The following PAPPA variants were observed in gnomAD, a reference collection of about 807,000 sequenced individuals.
The protein encoded by PAPPA is pappalysin 1.
PAPPA carries 60 observed loss-of-function variants against 164.0 expected under a neutral mutation model. The ratio of observed to expected loss-of-function variants is 0.37; its 90% CI spans 0.30 to 0.45. The LOEUF (loss-of-function observed/expected upper bound fraction) is 0.45. PAPPA is among the 20% of genes least tolerant of loss of function. The pLI, the probability that PAPPA is intolerant of heterozygous loss-of-function variation, is 1.00. For synonymous variants in PAPPA, 875 were observed against 814.1 expected (o/e 1.07, Z -1.27); for missense variants, 1,782 against 2,087.3 (o/e 0.85, Z 2.85).
chr9:116,293,333 T>C (rs1845460145), intron 9 of PAPPA, among the ~76,000 whole-genome samples: 1 of 152,380 alleles, frequency 6.6e-6, no homozygotes, highest in Admixed American at 6.5e-5. Context: ...ATGGGCTATA[T>C]TCTATTTTGC....
At chr9:116,341,581 G>A (rs149604506) in intron 13 of PAPPA, among the ~76,000 whole-genome samples, 3 of 152,120 alleles carry the variant, frequency 2.0e-5, no homozygotes, top group African/African-American at 7.2e-5. Flanking sequence ...TTGGTTTAAC[G>A]GCCTAACTGC....
chr9:116,261,100 C>G (rs1844995698), intron 7 of PAPPA, among the ~76,000 whole-genome samples: 1 of 152,152 alleles, frequency 6.6e-6, no homozygotes, highest in East Asian at 1.9e-4. Context: ...TTCCTCATCT[C>G]ACAAGGAGGA....
At chr9:116,237,363 AC>A (rs1844680974) in intron 7 of PAPPA, among the ~76,000 whole-genome samples, 2 of 152,298 alleles carry the variant, frequency 1.3e-5, no homozygotes, top group South Asian at 4.1e-4. Flanking sequence ...CCATCTCCTC[AC>A]TTGTCTAGAG....
intron 20 of PAPPA, 58 bp downstream of exon 20, chr9:116,377,705 G>A: frequency 8.0e-7 from 1 of 1,254,518 alleles, no homozygotes; most frequent in Non-Finnish European, 1.2e-6. Context: ...TGTTGTTATT[G>A]TTATTGTTAT....
At chr9:116,376,812 G>A (rs763637599) in intron 19 of PAPPA, among the ~76,000 whole-genome samples, 1 of 152,138 alleles carries the variant, frequency 6.6e-6, no homozygotes, top group African/African-American at 2.4e-5. Context: ...GAGCAAGAAC[G>A]AATTCACTGT....
intron 21 of PAPPA, among the ~76,000 whole-genome samples, chr9:116,389,261 T>C (rs892494698): frequency 3.3e-5 from 5 of 151,392 alleles, no homozygotes; most frequent in African/African-American, 1.2e-4. Context: ...GCCTCCAGAG[T>C]AGCTGGGATT....
chr9:116,295,847 A>G (rs1845499482), intron 9 of PAPPA, among the ~76,000 whole-genome samples: 1 of 152,186 alleles, frequency 6.6e-6, no homozygotes, highest in Non-Finnish European at 1.5e-5. Flanking sequence ...AGAAGTATTG[A>G]TAGGAGGAGG....
chr9:116,223,204 A>C (rs1332497969), intron 5 of PAPPA, among the ~76,000 whole-genome samples: 2 of 152,138 alleles, frequency 1.3e-5, no homozygotes, highest in Non-Finnish European at 2.9e-5. Flanking sequence ...GGGTTTGGGA[A>C]ACCTCGTGTG....
intron 2 of PAPPA, among the ~76,000 whole-genome samples, chr9:116,199,925 G>A (rs112745618): frequency 3.9e-5 from 6 of 152,086 alleles, no homozygotes; most frequent in African/African-American, 1.4e-4. Context: ...TTTAACCACC[G>A]ACTCTCACCG....
intron 1 of PAPPA, among the ~76,000 whole-genome samples, chr9:116,174,194 T>A (rs1843805907): frequency 6.6e-6 from 1 of 152,188 alleles, no homozygotes; most frequent in African/African-American, 2.4e-5. Context: ...TCGGTAAGCA[T>A]CAGCTGTCAT....
intron 17 of PAPPA, among the ~76,000 whole-genome samples, chr9:116,362,049 A>T (rs1846434000): frequency 6.6e-6 from 1 of 152,158 alleles, no homozygotes; most frequent in Non-Finnish European, 1.5e-5. Flanking sequence ...ATGGAATGGA[A>T]TGAAAGAAAG....
intron 7 of PAPPA, among the ~76,000 whole-genome samples, chr9:116,264,121 A>C (rs7031642): frequency 0.98 from 149,502 of 152,278 alleles, 73,441 homozygotes; most frequent in East Asian, 1. Context: ...TTATCATGTA[A>C]CTTTGTGTAT....
At chr9:116,198,104 G>A (rs1324163663) in intron 2 of PAPPA, among the ~76,000 whole-genome samples, 3 of 152,176 alleles carry the variant, frequency 2.0e-5, no homozygotes, top group Non-Finnish European at 4.4e-5. Flanking sequence ...CACTCAGTGT[G>A]GTCAGTTGTG....
intron 19 of PAPPA, among the ~76,000 whole-genome samples, chr9:116,370,842 G>A (rs1311984268): frequency 2.0e-5 from 3 of 152,324 alleles, no homozygotes; most frequent in East Asian, 3.9e-4. Context: ...GCAGGACCAC[G>A]GTCATATTAG....
chr9:116,316,539 G>A (rs1266547171), intron 10 of PAPPA: 1 of 152,222 alleles, frequency 6.6e-6, no homozygotes, highest in Admixed American at 6.5e-5. Context: ...GTTCCTCAGA[G>A]AACCCTGCTG....
In PAPPA at chr9:116,382,360, A is replaced by G. The variant is rs756798999; in HGVS notation, c.4678-35A>G. On this transcript the variant is annotated intron_variant, in intron 20 of 21. Transcript: ENST00000328252. ...CTCCCACTCACTCCAGGATGCTAACAAGGCCTCATTTCCTCCTTCTGTCTC... is the reference window on the plus strand; with the variant it reads ...CTCCCACTCACTCCAGGATGCTAACGAGGCCTCATTTCCTCCTTCTGTCTC... 7 of 1,357,396 alleles carry G rather than the reference A, an allele frequency of 5.2e-6. No homozygotes were observed. The Admixed American group carries it at 1.0e-4, about 19-fold the overall frequency. The allele number at this position is 1,357,396 out of a possible 1,614,324, so 84.1% of individuals were successfully genotyped here.
At chr9:116,341,525 A>G (rs1846137775) in intron 13 of PAPPA, among the ~76,000 whole-genome samples, 1 of 152,198 alleles carries the variant, frequency 6.6e-6, no homozygotes, top group Admixed American at 6.5e-5. Context: ...ATCCTTCTAT[A>G]CAAAGTGCCT....
intron 21 of PAPPA, among the ~76,000 whole-genome samples, chr9:116,391,300 T>C (rs576268820): frequency 2.0e-5 from 3 of 152,324 alleles, no homozygotes; most frequent in African/African-American, 7.2e-5. Flanking sequence ...CTTTATCTAC[T>C]TGGTACTCAT....
chr9:116,319,991 T>C (rs546282277), intron 10 of PAPPA, among the ~76,000 whole-genome samples: 7 of 152,320 alleles, frequency 4.6e-5, no homozygotes, highest in African/African-American at 1.4e-4. Flanking sequence ...CATCTATCTG[T>C]TGTCCCCCAG....
Sources: allele counts gnomAD v4.1 joint callset (sites outside exome capture counted in the v4.1 genomes callset), GRCh38; gene constraint gnomAD v4.1.1; transcripts MANE v1.5; gene names NCBI Gene and HGNC (gene_info 2026-07-23, HGNC 2026-07-21).